The following TFE3 variants were observed in gnomAD, a reference collection of about 807,000 sequenced individuals.
TFE3 encodes transcription factor binding to IGHM enhancer 3.
In TFE3, 5 loss-of-function variants were observed where a neutral mutation model predicts 35.0. That is an observed-to-expected ratio of 0.14 (90% CI 0.07 to 0.30). The LOEUF is 0.30. Among genes scored for constraint, TFE3 ranks in the 10% least tolerant of loss-of-function variants. TFE3 has a pLI of 1.00. For synonymous variants in TFE3, 211 were observed against 215.6 expected, an observed-to-expected ratio of 0.98 and a Z score of 0.18; for missense variants, 374 against 496.6, an observed-to-expected ratio of 0.75 and a Z score of 2.35.
Position 49,029,478 on chromosome X carries a change from G to T in TFE3, c.*680C>A. 1 of 269,448 alleles carries T rather than the reference G, an allele frequency of 3.7e-6. No homozygotes were observed. Among genetic ancestry groups the T allele is most frequent in the South Asian group, 6.1e-5 (1 of 16,492 alleles). 22.2% of individuals were successfully genotyped at this position (269,448 alleles called of 1,213,427 possible). On this transcript the variant is annotated 3_prime_UTR_variant, in exon 10 of 10. Coordinates refer to ENST00000315869, the MANE Select transcript of TFE3 (RefSeq NM_006521.6). ...TCTCCACAAGCACTAGCGGTGGCCTGGTCCTACTGATTCTTTCACACCTGA... is the reference window on the plus strand; with the variant it reads ...TCTCCACAAGCACTAGCGGTGGCCTTGTCCTACTGATTCTTTCACACCTGA...
Position 49,030,753 on chromosome X carries a change from T to A in TFE3, c.1285-152A>T, listed in dbSNP as rs1016983775. On this transcript the variant is annotated intron_variant, in intron 9 of 9. Transcript: ENST00000315869. Reference sequence around the variant, plus strand: ...AAAACTTTAGGCAAGGTGCTTAACATCTCTGAAGCTTCAGAGTCGCAAACT... The same window carrying A: ...AAAACTTTAGGCAAGGTGCTTAACAACTCTGAAGCTTCAGAGTCGCAAACT... 27 of 490,131 alleles carry A rather than the reference T, an allele frequency of 5.5e-5. No individual in the cohort carries two copies. The South Asian group carries it at 8.3e-4, about 15-fold the overall frequency. 40.4% of individuals were successfully genotyped at this position (490,131 alleles called of 1,213,427 possible). A position where few individuals can be genotyped will look rare whatever the true frequency, so the allele number is the denominator to read the frequency against.
rs924741266 is a variant in TFE3, at chrX:49,043,341, C to T, written c.-115G>A. ...GCCACCGCCGCCTCCTCCGCTAAGC[C>T]ATGGAGCTAGCACTGCGCGGGCGGG... is the stretch of plus-strand genomic sequence containing the variant. On this transcript the variant is annotated 5_prime_UTR_variant, in exon 1 of 10. The change abolishes an upstream ATG in the 5' untranslated region. Coordinates refer to ENST00000315869, the MANE Select transcript of TFE3 (RefSeq NM_006521.6). The T allele has an allele frequency of 1.4e-5, 8 of 577,436 alleles. No homozygotes were observed. Among genetic ancestry groups the T allele is most frequent in the South Asian group, 3.4e-5 (1 of 29,418 alleles). 47.6% of individuals were successfully genotyped at this position (577,436 alleles called of 1,213,427 possible). A position where few individuals can be genotyped will look rare whatever the true frequency, so the allele number is the denominator to read the frequency against.
At chrX:49,042,172 C>T (rs1370271570) in intron 1 of TFE3, among the ~76,000 whole-genome samples, 1 of 111,689 alleles carries the variant, frequency 9.0e-6, no homozygotes, top group African/African-American at 3.3e-5. Context: ...ATGGTGCAAT[C>T]TGTACTCGTT....
chrX:49,037,693 C>T (rs782206443), intron 5 of TFE3: 210 of 179,084 alleles, frequency 1.2e-3, no homozygotes, highest in African/African-American at 6.1e-3. Context: ...AGCGAGACTC[C>T]GTCTCGAAAA....
intron 1 of TFE3, among the ~76,000 whole-genome samples, chrX:49,041,529 G>T (rs1198434737): frequency 4.5e-5 from 5 of 111,581 alleles, no homozygotes; most frequent in Non-Finnish European, 9.4e-5. Context: ...GGGAGAATTT[G>T]GGTGGTTGAT....
At chrX:49,037,980 T>G in intron 5 of TFE3, 30 bp downstream of exon 5, 1 of 1,147,988 alleles carries the variant, frequency 8.7e-7, no homozygotes, top group African/African-American at 1.8e-5. Context: ...GCCCTAATTT[T>G]CAGACCAACC....
intron 5 of TFE3, among the ~76,000 whole-genome samples, chrX:49,035,547 C>G (rs1557074581): frequency 9.8e-6 from 1 of 102,028 alleles, no homozygotes; most frequent in African/African-American, 3.6e-5. Flanking sequence ...GCTGGGACTA[C>G]AGGCACCCGC....
intron 2 of TFE3, 85 bp downstream of exon 2, chrX:49,040,370 C>T: frequency 1.4e-6 from 1 of 713,853 alleles, no homozygotes; most frequent in African/African-American, 2.1e-5. Flanking sequence ...ATGGGTTGGG[C>T]TGGTACTGAG....
chrX:49,036,005 A>G (rs2064727289), intron 5 of TFE3, among the ~76,000 whole-genome samples: 1 of 108,567 alleles, frequency 9.2e-6, no homozygotes. Flanking sequence ...CCCTGTCTCT[A>G]CTAAAAATGC....
At chrX:49,035,027 AG>A (rs1557074422) in intron 5 of TFE3, among the ~76,000 whole-genome samples, 1 of 109,498 alleles carries the variant, frequency 9.1e-6, no homozygotes, top group African/African-American at 3.3e-5. Flanking sequence ...AAGTATACCC[AG>A]GGCCAGGTGC....
At chrX:49,033,678 A>C (rs1557074161) in intron 7 of TFE3, 48 bp downstream of exon 7, 8 of 1,198,606 alleles carry the variant, frequency 6.7e-6, no homozygotes. Flanking sequence ...ACTCGGGGTG[A>C]GGCAGGCCTG....
At chrX:49,032,231 CT>C (rs1374895613) in intron 8 of TFE3, among the ~76,000 whole-genome samples, 1 of 109,162 alleles carries the variant, frequency 9.2e-6, no homozygotes. Flanking sequence ...TTCTCTTTTC[CT>C]TTTTTTTTGC....
chrX:49,033,344 A>C lies in TFE3; in HGVS notation c.1136+121T>G. On this transcript the variant is annotated intron_variant, in intron 8 of 9. Coordinates refer to ENST00000315869, the MANE Select transcript of TFE3 (RefSeq NM_006521.6). ...GCAACCCTGCTCAGGCTGAGAAAGA[A>C]CCAGACAGAGGAGAAATGCCTGGGC... 9.5e-6 allele frequency: 6 copies of C among 631,016 alleles called. No homozygotes were observed. The South Asian group carries it at 1.6e-4, about 17-fold the overall frequency. 52.0% of individuals were successfully genotyped at this position (631,016 alleles called of 1,213,427 possible). A position where few individuals can be genotyped will look rare whatever the true frequency, so the allele number is the denominator to read the frequency against.
chrX:49,040,311 C>G (rs2064753910), intron 2 of TFE3, 144 bp downstream of exon 2: 4 of 425,923 alleles, frequency 9.4e-6, no homozygotes, highest in Non-Finnish European at 1.6e-5. Context: ...GTGACATGCT[C>G]TTTCTGGTCC....
In TFE3 at chrX:49,031,559, T is replaced by C. The variant is rs1211711526; in HGVS notation, c.1137-15A>G. ...AGCGCATCTCCCTGTGGGGCCCAAG[T>C]GGGAGGCAAGCAGGAAATGCCACAT... On this transcript the variant is annotated splice_polypyrimidine_tract_variant and intron_variant, in intron 8 of 9. Coordinates refer to ENST00000315869, the MANE Select transcript of TFE3 (RefSeq NM_006521.6). 3 of 1,162,547 alleles carry C rather than the reference T, an allele frequency of 2.6e-6. No individual in the cohort carries two copies. Among genetic ancestry groups the C allele is most frequent in the Non-Finnish European group, 3.4e-6 (3 of 870,520 alleles).
Position 49,030,290 on chromosome X carries a change from C to T in TFE3, c.1596G>A (p.Val532=). 1 of 1,208,252 alleles carries T rather than the reference C, an allele frequency of 8.3e-7. No homozygotes were observed. The highest frequency in any genetic ancestry group is 1.1e-6 in the Non-Finnish European group (1 of 893,703). Residue 532 remains valine (V), a synonymous_variant, in exon 10 of 10, where the codon GTG becomes GTA. Coordinates refer to ENST00000315869, the MANE Select transcript of TFE3 (RefSeq NM_006521.6). ...EDILMEEEEG[V]VGGLSGGALS... is the part of the protein sequence containing the mutation. ...GGGCACCCCCCGACAGTCCTCCCAC[C>T]ACCCCCTCCTCCTCCTCCATCAGAA...
At chrX:49,039,597 G>A in intron 2 of TFE3, 187 bp from the exon 3 acceptor site, 1 of 435,205 alleles carries the variant, frequency 2.3e-6, no homozygotes, top group East Asian at 4.1e-5. Flanking sequence ...ACAGTCTGAT[G>A]GGGGACACAC....
intron 5 of TFE3, among the ~76,000 whole-genome samples, chrX:49,035,744 A>T (rs1417866015): frequency 1.8e-5 from 2 of 109,894 alleles, no homozygotes; most frequent in African/African-American, 6.6e-5. Context: ...AGTCTGGTGG[A>T]TATAAGGTCC....
chrX:49,033,836 A>T, intron 6 of TFE3, 54 bp from the exon 7 acceptor site: 1 of 1,162,159 alleles, frequency 8.6e-7, no homozygotes, highest in Non-Finnish European at 1.2e-6. Context: ...CAAGAAACAC[A>T]TGCAGATACT....
Sources: gnomAD v4.1 joint callset for allele counts (sites outside exome capture counted in the v4.1 genomes callset) on GRCh38, gnomAD v4.1.1 for gene constraint, MANE v1.5 for transcripts, NCBI Gene and HGNC (gene_info 2026-07-23, HGNC 2026-07-21) for gene names.